CLASP2: variants seen among roughly 807,000 people sequenced by gnomAD.
The protein encoded by CLASP2 is cytoplasmic linker associated protein 2, also known as CLIP-associating protein 2.
CLASP2 carries 47 observed loss-of-function variants against 194.4 expected under a neutral mutation model. The ratio of observed to expected loss-of-function variants is 0.24; its 90% CI spans 0.19 to 0.31. The LOEUF (loss-of-function observed/expected upper bound fraction) is 0.31. Ranked by LOEUF, CLASP2 falls within the 10% of genes least tolerant of loss-of-function variation. The pLI is 1.00. For synonymous variants in CLASP2, 619 were observed against 633.5 expected, an observed-to-expected ratio of 0.98 and a Z score of 0.34; for missense variants, 1,445 against 1,823.6, an observed-to-expected ratio of 0.79 and a Z score of 3.78.
At chr3:33,612,305 G>A (rs2075335147) in intron 12 of CLASP2, among the ~76,000 whole-genome samples, 9 of 152,178 alleles carry the variant, frequency 5.9e-5, no homozygotes, top group Admixed American at 5.9e-4. Flanking sequence ...ACAAAGAAAA[G>A]TTAACTGTTT....
chr3:33,632,807 C>T (rs769978453), intron 8 of CLASP2, among the ~76,000 whole-genome samples: 1 of 152,148 alleles, frequency 6.6e-6, no homozygotes, highest in Non-Finnish European at 1.5e-5. Context: ...AAATTAATTA[C>T]ACAAACAAAT....
intron 21 of CLASP2, among the ~76,000 whole-genome samples, chr3:33,587,120 C>CT (rs1011961520): frequency 2.0e-5 from 3 of 151,674 alleles, no homozygotes; most frequent in Admixed American, 1.3e-4. Flanking sequence ...ATCTGTGATT[C>CT]TTTTTTTTCT....
At chr3:33,668,162 T>A (rs541569098) in intron 6 of CLASP2, among the ~76,000 whole-genome samples, 1 of 152,322 alleles carries the variant, frequency 6.6e-6, no homozygotes, top group Admixed American at 6.5e-5. Flanking sequence ...GAGGTTGCAG[T>A]GAGCTGAGAT....
chr3:33,698,355 T>C (rs2092113139), intron 1 of CLASP2, among the ~76,000 whole-genome samples: 1 of 152,150 alleles, frequency 6.6e-6, no homozygotes, highest in Non-Finnish European at 1.5e-5. Flanking sequence ...TAAAGGTCTC[T>C]AGTTGGGGAA....
chr3:33,615,376 C>CAA (rs78845283), intron 12 of CLASP2, among the ~76,000 whole-genome samples: 100 of 60,776 alleles, frequency 1.6e-3, no homozygotes, highest in Non-Finnish European at 2.9e-3. Context: ...TTCTAAATTA[C>CAA]AAAAAAAAAA....
rs1276194361 is a variant in CLASP2 at position 33,708,237 on chromosome 3, G to A, written c.195+9571C>T. Among the ~76,000 whole-genome samples the A allele has an allele frequency of 2.0e-5, 3 of 149,896 alleles. No homozygotes were observed. In the South Asian group the frequency reaches 6.3e-4, roughly 32 times the overall value. ...CCTTTTCCCACATCCTCCAACCCCT[G>A]GTAATCACCATTCTATATTCTATTC... On this transcript the variant is annotated intron_variant, in intron 1 of 38. Coordinates refer to ENST00000682230, the MANE Select transcript of CLASP2 (RefSeq NM_001365631.1).
At chr3:33,657,316 T>A (rs2084429636) in intron 7 of CLASP2, among the ~76,000 whole-genome samples, 1 of 152,148 alleles carries the variant, frequency 6.6e-6, no homozygotes, top group Non-Finnish European at 1.5e-5. Context: ...TATACATATC[T>A]TTATTGTTTA....
intron 20 of CLASP2, among the ~76,000 whole-genome samples, chr3:33,592,939 C>G (rs1202579649): frequency 4.6e-5 from 7 of 152,138 alleles, no homozygotes; most frequent in Admixed American, 3.9e-4. Context: ...CTAAAGGGAT[C>G]TGAAGGAAGA....
At chr3:33,651,904 C>T (rs1324544808) in intron 7 of CLASP2, among the ~76,000 whole-genome samples, 1 of 152,052 alleles carries the variant, frequency 6.6e-6, no homozygotes, top group Non-Finnish European at 1.5e-5. Flanking sequence ...GGTGATCTGC[C>T]CTTCTTGGCC....
intron 6 of CLASP2, among the ~76,000 whole-genome samples, chr3:33,678,126 C>T (rs1340104919): frequency 6.6e-6 from 1 of 151,464 alleles, no homozygotes; most frequent in East Asian, 1.9e-4. Flanking sequence ...TGTGGGGCAT[C>T]TATAAAAGAT....
chr3:33,598,042 T>C (rs971939397), intron 18 of CLASP2, among the ~76,000 whole-genome samples: 1 of 152,118 alleles, frequency 6.6e-6, no homozygotes, highest in Non-Finnish European at 1.5e-5. Context: ...TGTGAGCCAC[T>C]GTGCCCAGCC....
At chr3:33,551,794 C>A (rs183000585) in intron 29 of CLASP2, among the ~76,000 whole-genome samples, 1 of 152,264 alleles carries the variant, frequency 6.6e-6, no homozygotes, top group Non-Finnish European at 1.5e-5. Flanking sequence ...TTAAATCAGC[C>A]CTCAGAGCTT....
At chr3:33,686,990 G>A (rs1472212592) in intron 5 of CLASP2, 70 bp downstream of exon 5, 2 of 825,620 alleles carry the variant, frequency 2.4e-6, no homozygotes, top group South Asian at 1.9e-5. Flanking sequence ...TTTAAAAATA[G>A]AATAAGAGGA....
intron 33 of CLASP2, among the ~76,000 whole-genome samples, chr3:33,538,434 C>T (rs2057777780): frequency 6.6e-6 from 1 of 152,188 alleles, no homozygotes; most frequent in Admixed American, 6.5e-5. Flanking sequence ...TAGTACTCAT[C>T]TCTATATGAA....
At chr3:33,621,253 T>A (rs1309440307) in intron 11 of CLASP2, among the ~76,000 whole-genome samples, 4 of 152,186 alleles carry the variant, frequency 2.6e-5, no homozygotes, top group Non-Finnish European at 5.9e-5. Context: ...CTGCTGTCTA[T>A]TACGTGGAAA....
intron 26 of CLASP2, among the ~76,000 whole-genome samples, chr3:33,569,654 A>G (rs1261645351): frequency 6.6e-6 from 1 of 152,152 alleles, no homozygotes; most frequent in Non-Finnish European, 1.5e-5. Flanking sequence ...ATTTTAGTAA[A>G]CTGCTTACCA....
chr3:33,570,676 T>C (rs777949711), intron 26 of CLASP2, 51 bp downstream of exon 26: 22 of 1,569,190 alleles, frequency 1.4e-5, no homozygotes, highest in Admixed American at 5.5e-5. Context: ...GCTTTGACAA[T>C]ATACAAATGA....
intron 23 of CLASP2, among the ~76,000 whole-genome samples, chr3:33,576,650 C>T (rs940571437): frequency 6.6e-6 from 1 of 152,054 alleles, no homozygotes; most frequent in Admixed American, 6.5e-5. Context: ...CAATCCTCAA[C>T]CAATAGTGGT....
intron 37 of CLASP2, among the ~76,000 whole-genome samples, chr3:33,505,959 T>A (rs927827105): frequency 6.6e-6 from 1 of 152,156 alleles, no homozygotes; most frequent in African/African-American, 2.4e-5. Flanking sequence ...CAGAAAGTAA[T>A]CTTTAAAATA....
Sources: gnomAD v4.1 joint callset for allele counts (sites outside exome capture counted in the v4.1 genomes callset) on GRCh38, gnomAD v4.1.1 for gene constraint, MANE v1.5 for transcripts, NCBI Gene and HGNC (gene_info 2026-07-23, HGNC 2026-07-21) for gene names.